Variants in PAK2 observed in about 807,000 individuals in gnomAD.
The protein encoded by PAK2 is p21 (RAC1) activated kinase 2, also known as serine/threonine-protein kinase PAK 2.
In PAK2, 21 loss-of-function variants were observed where a neutral mutation model predicts 65.9. The observed-to-expected ratio is 0.32, with a 90% CI of 0.23 to 0.46. The LOEUF (loss-of-function observed/expected upper bound fraction) is 0.46, where lower values mean the gene tolerates loss of function less well. Among genes scored for constraint, PAK2 ranks in the 20% least tolerant of loss-of-function variants. The probability of loss-of-function intolerance (pLI) is 1.00; values close to 1 mark genes in which losing one functional copy is unlikely to be tolerated. For synonymous variants in PAK2, 204 were observed against 219.7 expected, an observed-to-expected ratio of 0.93 and a Z score of 0.63; for missense variants, 324 against 642.6, an observed-to-expected ratio of 0.50 and a Z score of 5.36.
chr3:196,813,413 G>A (rs1265828736), intron 10 of PAK2, among the ~76,000 whole-genome samples: 24 of 145,970 alleles, frequency 1.6e-4, no homozygotes, highest in South Asian at 1.1e-3. Flanking sequence ...AGCCGAGATC[G>A]CACCACTGCA....
At chr3:196,826,273 G>A (rs890235638) in intron 13 of PAK2, among the ~76,000 whole-genome samples, 6 of 151,956 alleles carry the variant, frequency 3.9e-5, no homozygotes, top group East Asian at 1.9e-4. Context: ...CCGGGTTCAC[G>A]TCATTGTCCT....
At chr3:196,749,481 C>G (rs1713499054) in intron 1 of PAK2, among the ~76,000 whole-genome samples, 1 of 152,124 alleles carries the variant, frequency 6.6e-6, no homozygotes, top group Admixed American at 6.6e-5. Flanking sequence ...TTGCATTTCT[C>G]TAGCAGTTAG....
At chr3:196,790,391 G>C (rs1432163369) in intron 2 of PAK2, among the ~76,000 whole-genome samples, 4 of 152,088 alleles carry the variant, frequency 2.6e-5, no homozygotes, top group Non-Finnish European at 5.9e-5. Flanking sequence ...ATGATTCTAA[G>C]AATCTTTTTT....
At chr3:196,761,403 C>A (rs1447906720) in intron 1 of PAK2, among the ~76,000 whole-genome samples, 1 of 73,304 alleles carries the variant, frequency 1.4e-5, no homozygotes, top group African/African-American at 5.5e-5. Context: ...CAAAGCACAT[C>A]TTGCACCGCC....
At chr3:196,749,353 C>T (rs1031708686) in intron 1 of PAK2, among the ~76,000 whole-genome samples, 5 of 152,088 alleles carry the variant, frequency 3.3e-5, no homozygotes, top group East Asian at 1.9e-4. Context: ...TATCACTTCA[C>T]GTTTCCACCA....
At chr3:196,761,500 AG>A (rs1458293100) in intron 1 of PAK2, among the ~76,000 whole-genome samples, 56 of 91,490 alleles carry the variant, frequency 6.1e-4, no homozygotes, top group Admixed American at 1.4e-3. Context: ...CAGGATCCCA[AG>A]GCAGAAGAAT....
At chr3:196,825,062 A>T (rs1711789404) in intron 13 of PAK2, among the ~76,000 whole-genome samples, 1 of 152,310 alleles carries the variant, frequency 6.6e-6, no homozygotes, top group East Asian at 1.9e-4. Context: ...ATAATAATTT[A>T]GGACCAGACG....
intron 7 of PAK2, among the ~76,000 whole-genome samples, chr3:196,808,982 A>G (rs1045975150): frequency 6.6e-6 from 1 of 152,050 alleles, no homozygotes; most frequent in East Asian, 1.9e-4. Flanking sequence ...CAAACCTATA[A>G]TCTCGGTACG....
intron 1 of PAK2, among the ~76,000 whole-genome samples, chr3:196,753,013 C>T (rs1713659111): frequency 6.6e-6 from 1 of 151,522 alleles, no homozygotes; most frequent in African/African-American, 2.4e-5. Flanking sequence ...CGGAGTCTCC[C>T]TGTGTCACCC....
At chr3:196,775,290 C>T (rs1039806572) in intron 1 of PAK2, among the ~76,000 whole-genome samples, 17 of 152,174 alleles carry the variant, frequency 1.1e-4, no homozygotes, top group South Asian at 4.1e-4. Flanking sequence ...AAAAACACAA[C>T]GCTGTGGTTC....
chr3:196,825,989 A>G (rs538785999), intron 13 of PAK2, among the ~76,000 whole-genome samples: 2 of 146,414 alleles, frequency 1.4e-5, no homozygotes, highest in South Asian at 2.2e-4. Flanking sequence ...AACTACAGGC[A>G]TGTGCCACCA....
intron 1 of PAK2, among the ~76,000 whole-genome samples, chr3:196,740,859 C>T (rs964204243): frequency 6.6e-6 from 1 of 151,800 alleles, no homozygotes; most frequent in African/African-American, 2.4e-5. Context: ...GAAACACACG[C>T]ACGCACAAAC....
intron 14 of PAK2, among the ~76,000 whole-genome samples, chr3:196,827,694 T>A (rs983183230): frequency 2.0e-5 from 3 of 152,026 alleles, no homozygotes; most frequent in Admixed American, 1.3e-4. Context: ...ATGGCACATG[T>A]GTACATATGT....
intron 11 of PAK2, among the ~76,000 whole-genome samples, chr3:196,816,275 A>G (rs1716026773): frequency 6.6e-6 from 1 of 152,192 alleles, no homozygotes; most frequent in South Asian, 2.1e-4. Context: ...AGGTGTTAAA[A>G]ATATTAAAAT....
chr3:196,820,615 T>C lies in PAK2; in HGVS notation c.1350+48T>C. ...CTTGTTCAATGTTTTTCTTTGAAAC[T>C]CTTATTTAGAACTTGCACGTGCCTG... On this transcript the variant is annotated intron_variant, in intron 13 of 14. Transcript: ENST00000327134. This position sits in a 1 kb window ranked among gnomAD's most constrained non-coding sequence, Gnocchi z 4.6. The C allele has an allele frequency of 8.9e-7, 1 of 1,118,220 alleles. No homozygotes were observed. The highest frequency in any genetic ancestry group is 1.3e-6 in the Non-Finnish European group (1 of 787,854). 69.3% of individuals were successfully genotyped at this position (1,118,220 alleles called of 1,614,324 possible). A position where few individuals can be genotyped will look rare whatever the true frequency, so the allele number is the denominator to read the frequency against.
intron 8 of PAK2, among the ~76,000 whole-genome samples, chr3:196,811,324 T>C (rs1423270410): frequency 0.029 from 68 of 2,336 alleles, 2 homozygotes; most frequent in South Asian, 0.094. Context: ...CTTTCCTTCC[T>C]TCCCTTCCCT....
At chr3:196,774,829 AC>A (rs1165407558) in intron 1 of PAK2, among the ~76,000 whole-genome samples, 1 of 152,254 alleles carries the variant, frequency 6.6e-6, no homozygotes, top group Non-Finnish European at 1.5e-5. Context: ...CTTTCTCCCA[AC>A]AAAAAAACTG....
chr3:196,745,304 T>G (rs950259450), intron 1 of PAK2, among the ~76,000 whole-genome samples: 1 of 105,846 alleles, frequency 9.4e-6, no homozygotes, highest in Non-Finnish European at 2.2e-5. Context: ...TTTTTTTTTT[T>G]GTAGAGACGG....
intron 2 of PAK2, among the ~76,000 whole-genome samples, chr3:196,794,325 A>G (rs1239699205): frequency 6.6e-6 from 1 of 152,174 alleles, no homozygotes; most frequent in East Asian, 1.9e-4. Flanking sequence ...ACAGAAAACC[A>G]AGAACATACA....
Sources: allele counts gnomAD v4.1 joint callset (sites outside exome capture counted in the v4.1 genomes callset), GRCh38; gene constraint gnomAD v4.1.1; non-coding constraint Gnocchi (gnomAD v3.1); transcripts MANE v1.5; gene names NCBI Gene and HGNC (gene_info 2026-07-23, HGNC 2026-07-21).